Variants in BRAF observed in about 807,000 individuals in gnomAD.
The protein encoded by BRAF is serine/threonine-protein kinase B-raf.
BRAF carries 16 observed loss-of-function variants against 104.6 expected under a neutral mutation model. That is an observed-to-expected ratio of 0.15 (90% confidence interval 0.10 to 0.23). BRAF has a LOEUF of 0.23. BRAF is among the 10% of genes least tolerant of loss of function. The probability of loss-of-function intolerance (pLI) is 1.00; values close to 1 mark genes in which losing one functional copy is unlikely to be tolerated. For missense variants in BRAF, 541 were observed against 937.3 expected (o/e 0.58, Z 5.52); for synonymous variants, 310 against 341.6 (o/e 0.91, Z 1.02).
rs564711473 is a variant in BRAF at position 140,724,852 on chromosome 7, T to C, written c.*1642A>G. The C allele has an allele frequency of 2.8e-5, 29 of 1,039,146 alleles. No homozygotes were observed. In the African/African-American group the frequency reaches 4.7e-4, roughly 17 times the overall value. 64.4% of individuals were successfully genotyped at this position (1,039,146 alleles called of 1,614,324 possible). ...CCTGATAAGGGAGGTTTTCCATTAA[T>C]TTGCCATTAATACATCCGCTTTCTT... is the stretch of plus-strand genomic sequence containing the variant. On this transcript the variant is annotated 3_prime_UTR_variant, in exon 20 of 20. Coordinates refer to ENST00000644969, the MANE Select transcript of BRAF (RefSeq NM_001374258.1).
intron 1 of BRAF, among the ~76,000 whole-genome samples, chr7:140,861,661 T>C (rs1172851956): frequency 6.6e-6 from 1 of 152,210 alleles, no homozygotes; most frequent in East Asian, 1.9e-4. Context: ...TTCAGGATAA[T>C]GGTTACTTCT....
rs188701111 is a variant in BRAF, at chr7:140,819,185, T to C, written c.505-10190A>G. 4.6e-5 allele frequency among the ~76,000 whole-genome samples: 7 copies of C among 152,348 alleles called. No individual in the cohort carries two copies. In the East Asian group the frequency reaches 9.6e-4, roughly 21 times the overall value. On this transcript the variant is annotated intron_variant, in intron 3 of 19. Coordinates refer to ENST00000644969, the MANE Select transcript of BRAF (RefSeq NM_001374258.1). Reference sequence around the variant, plus strand: ...TTGTAATTCTTCTCGTCTCAGGTCATTGGTATTTATCTATGAATTGCATGT... The same window carrying C: ...TTGTAATTCTTCTCGTCTCAGGTCACTGGTATTTATCTATGAATTGCATGT...
chr7:140,835,291 G>A (rs71645944), intron 2 of BRAF: 26 of 183,986 alleles, frequency 1.4e-4, no homozygotes, highest in African/African-American at 5.3e-4. Flanking sequence ...AATTCCATTC[G>A]TTCTCTCTCT....
Position 140,723,881 on chromosome 7 carries a change from A to G in BRAF, c.*2613T>C, listed in dbSNP as rs1266841527. 9.6e-7 allele frequency: 1 copy of G among 1,046,380 alleles called. No individual in the cohort carries two copies. Among genetic ancestry groups the G allele is most frequent in the African/African-American group, 1.7e-5 (1 of 60,064 alleles). 64.8% of individuals were successfully genotyped at this position (1,046,380 alleles called of 1,614,324 possible). A position where few individuals can be genotyped will look rare whatever the true frequency, so the allele number is the denominator to read the frequency against. ...TTTTTTTAGGAGCTCAGTAAGTCTA[A>G]CTGTTGTCTAAGCATCAAAAAATAA... On this transcript the variant is annotated 3_prime_UTR_variant, in exon 20 of 20. Coordinates refer to ENST00000644969, the MANE Select transcript of BRAF (RefSeq NM_001374258.1).
At chr7:140,780,212 A>G (rs1800729786) in intron 12 of BRAF, 1 of 151,652 alleles carries the variant, frequency 6.6e-6, no homozygotes, top group Non-Finnish European at 1.5e-5. Flanking sequence ...CTGTGAAAAG[A>G]TAGATTAAGG....
intron 12 of BRAF, chr7:140,779,983 T>C (rs187146694): frequency 6.6e-6 from 1 of 152,296 alleles, no homozygotes; most frequent in African/African-American, 2.4e-5. Flanking sequence ...TCAACCTGTA[T>C]GTATATTTTA....
chr7:140,801,039 CG>C (rs1562966211), intron 6 of BRAF: 5 of 214,822 alleles, frequency 2.3e-5, no homozygotes. Context: ...AGAATATAAA[CG>C]TAATTTACAA....
intron 3 of BRAF, among the ~76,000 whole-genome samples, chr7:140,829,846 C>G (rs1034069461): frequency 6.6e-6 from 1 of 152,164 alleles, no homozygotes; most frequent in South Asian, 2.1e-4. Context: ...TTGTTTAACA[C>G]AGGAAAATTT....
chr7:140,899,203 A>AC (rs1188266355), intron 1 of BRAF, among the ~76,000 whole-genome samples: 37 of 55,592 alleles, frequency 6.7e-4, no homozygotes, highest in Admixed American at 1.7e-3. Context: ...CCAACATCCC[A>AC]CCCCCCCACC....
At chr7:140,846,960 A>C (rs190758287) in intron 2 of BRAF, among the ~76,000 whole-genome samples, 4 of 152,046 alleles carry the variant, frequency 2.6e-5, no homozygotes, top group African/African-American at 7.2e-5. Flanking sequence ...GTTTGAGACA[A>C]GCCTGGCCAA....
chr7:140,811,817 A>AGT (rs1804298223), intron 3 of BRAF, among the ~76,000 whole-genome samples: 1 of 152,178 alleles, frequency 6.6e-6, no homozygotes. Flanking sequence ...TAATCCTTGT[A>AGT]CTTCCCCTAG....
chr7:140,716,364 GAGTT>G (rs751375958), downstream of BRAF, among the ~76,000 whole-genome samples: 23 of 152,306 alleles, frequency 1.5e-4, no homozygotes, highest in Admixed American at 9.8e-4. Flanking sequence ...AAGGTTAAAT[GAGTT>G]AGTTAGGTAA....
chr7:140,749,098 T>G, intron 17 of BRAF, 189 bp downstream of exon 16: 1 of 610,186 alleles, frequency 1.6e-6, no homozygotes, highest in Non-Finnish European at 2.8e-6. Context: ...CATTCATGAC[T>G]GATATTCTGA....
chr7:140,822,826 C>G (rs749258709), intron 3 of BRAF, among the ~76,000 whole-genome samples: 1 of 152,126 alleles, frequency 6.6e-6, no homozygotes, highest in Non-Finnish European at 1.5e-5. Context: ...AAGTGTACAT[C>G]TGACTTTTTG....
At chr7:140,918,187 G>A (rs1817823819) in intron 1 of BRAF, among the ~76,000 whole-genome samples, 1 of 152,144 alleles carries the variant, frequency 6.6e-6, no homozygotes, top group African/African-American at 2.4e-5. Context: ...GCAGATAAAT[G>A]AAGAACTTCA....
At chr7:140,776,065 T>G (rs1431860564) in intron 14 of BRAF, among the ~76,000 whole-genome samples, 1 of 152,192 alleles carries the variant, frequency 6.6e-6, no homozygotes, top group Non-Finnish European at 1.5e-5. Flanking sequence ...TTGGTGCCAC[T>G]TATTAAATGT....
chr7:140,764,247 A>G (rs573720496), intron 14 of BRAF, among the ~76,000 whole-genome samples: 10 of 151,106 alleles, frequency 6.6e-5, no homozygotes, highest in Non-Finnish European at 1.0e-4. Flanking sequence ...AAATTCAACA[A>G]CCCTTCATGC....
rs1240654904 is a variant in BRAF at position 140,924,720 on chromosome 7, G to A, written c.-17C>T. 7.8e-6 allele frequency: 7 copies of A among 892,872 alleles called. No individual in the cohort carries two copies. Among genetic ancestry groups the A allele is most frequent in the Non-Finnish European group, 1.0e-5 (6 of 584,054 alleles). 55.3% of individuals were successfully genotyped at this position (892,872 alleles called of 1,614,324 possible). On this transcript the variant is annotated 5_prime_UTR_variant, in exon 1 of 20. Coordinates refer to ENST00000644969, the MANE Select transcript of BRAF (RefSeq NM_001374258.1). The surrounding 1 kb of genome is among the most constrained non-coding windows in gnomAD (Gnocchi z 4.2). ...CGCCGCCATCTTATAACCGAGAGCC[G>A]GGGCCCGAGCGGCCGCTGTCGGGCG...
Position 140,723,054 on chromosome 7 carries a change from C to A in BRAF, c.*3440G>T. ...ACTTTTCATATTTTAAAATAAATAA[C>A]TATTCATTACCTCATTCTGAAGAGG... On this transcript the variant is annotated 3_prime_UTR_variant, in exon 20 of 20. Transcript: ENST00000644969. The A allele has an allele frequency of 1.9e-6, 2 of 1,050,808 alleles. No individual in the cohort carries two copies. Among genetic ancestry groups the A allele is most frequent in the East Asian group, 5.5e-5 (1 of 18,240 alleles). The allele number at this position is 1,050,808 out of a possible 1,614,324, so 65.1% of individuals were successfully genotyped here. A position where few individuals can be genotyped will look rare whatever the true frequency, so the allele number is the denominator to read the frequency against.
Sources: gnomAD v4.1 joint callset for allele counts (sites outside exome capture counted in the v4.1 genomes callset) on GRCh38, gnomAD v4.1.1 for gene constraint, Gnocchi (gnomAD v3.1) non-coding constraint, MANE v1.5 for transcripts, NCBI Gene and HGNC (gene_info 2026-07-23, HGNC 2026-07-21) for gene names.